CRYBA4: variants seen among roughly 807,000 people sequenced by gnomAD.
CRYBA4 encodes crystallin beta A4.
Under a neutral mutation model 31.7 loss-of-function variants are expected in CRYBA4, and 30 were observed. That is an observed-to-expected ratio of 0.95 (90% CI 0.71 to 1.28). CRYBA4 has a LOEUF of 1.28. Ranked by LOEUF, CRYBA4 falls within the 50% of genes most tolerant of loss-of-function variation. The pLI, the probability that CRYBA4 is intolerant of heterozygous loss-of-function variation, is 0.00. For missense variants in CRYBA4, 225 were observed against 260.7 expected, an observed-to-expected ratio of 0.86 and a Z score of 0.94; for synonymous variants, 102 against 102.3, an observed-to-expected ratio of 1.00 and a Z score of 0.02.
intron 5 of CRYBA4, 32 bp from the exon 6 acceptor site, chr22:26,630,308 T>C: frequency 1.2e-6 from 2 of 1,613,766 alleles, no homozygotes; most frequent in Non-Finnish European, 1.7e-6. Flanking sequence ...GGTGTCTCTG[T>C]AGAGTAACTG....
the CRYBA4 span, among the ~76,000 whole-genome samples, chr22:26,602,360 G>A: frequency 6.6e-6 from 1 of 151,996 alleles, no homozygotes; most frequent in South Asian, 2.1e-4. Flanking sequence ...CAGGTGGGAG[G>A]ACTGCTTGAG....
chr22:26,597,839 G>A, the CRYBA4 span, among the ~76,000 whole-genome samples: 1 of 152,116 alleles, frequency 6.6e-6, no homozygotes, highest in Non-Finnish European at 1.5e-5. Flanking sequence ...AAAAGTCTCA[G>A]TTTGGTGCAA....
chr22:26,597,410 A>G, the CRYBA4 span, among the ~76,000 whole-genome samples: 2 of 152,236 alleles, frequency 1.3e-5, no homozygotes, highest in African/African-American at 2.4e-5. Flanking sequence ...ATTTATACCA[A>G]TAATTTCTAA....
At chr22:26,627,364 C>CTTTCTTTCTTTCT (rs1929741529) in intron 4 of CRYBA4, among the ~76,000 whole-genome samples, 1 of 30,308 alleles carries the variant, frequency 3.3e-5, no homozygotes. Flanking sequence ...TCCCTCCTTT[C>CTTTCTTTCTTTCT]TTTCTTTCTT....
chr22:26,606,591 G>T, the CRYBA4 span, among the ~76,000 whole-genome samples: 2,231 of 152,312 alleles, frequency 0.015, 27 homozygotes, highest in East Asian at 0.038. Context: ...ATGATTGAGA[G>T]AGACATCTGT....
At chr22:26,612,259 A>G in the CRYBA4 span, 2 of 1,058,184 alleles carry the variant, frequency 1.9e-6, no homozygotes. Context: ...AAGTATCTAC[A>G]TAAATAAAAG....
At chr22:26,595,558 A>T in the CRYBA4 span, among the ~76,000 whole-genome samples, 3 of 141,148 alleles carry the variant, frequency 2.1e-5, no homozygotes, top group African/African-American at 8.1e-5. Context: ...CAGCCTGGAC[A>T]ACAAGAGCAA....
At position 26,630,632 on chromosome 22, in the gene CRYBA4, CA is replaced by C; in HGVS notation, c.*151del. On this transcript the variant is annotated 3_prime_UTR_variant, in exon 6 of 6. Transcript: ENST00000354760. ...TGAACTGGTCCGTGCACAGTCAGCA[CA>C]AAAAACTCAAACGAATAAAAAAGAG... 1 of 645,904 alleles carries C rather than the reference CA, an allele frequency of 1.5e-6. No homozygotes were observed. Among genetic ancestry groups the C allele is most frequent in the South Asian group, 1.8e-5 (1 of 54,904 alleles). 40.0% of individuals were successfully genotyped at this position (645,904 alleles called of 1,614,324 possible).
chr22:26,613,856 G>T, the CRYBA4 span, among the ~76,000 whole-genome samples: 1 of 152,200 alleles, frequency 6.6e-6, no homozygotes, highest in East Asian at 1.9e-4. Flanking sequence ...AAGCAAATGG[G>T]AGAAATATCG....
At chr22:26,607,778 C>G in the CRYBA4 span, 1 of 1,465,924 alleles carries the variant, frequency 6.8e-7, no homozygotes, top group African/African-American at 1.4e-5. Flanking sequence ...TCGGAGGCTG[C>G]CACGCCTCCC....
the CRYBA4 span, among the ~76,000 whole-genome samples, chr22:26,614,654 A>C: frequency 1.3e-4 from 20 of 152,188 alleles, no homozygotes; most frequent in African/African-American, 4.3e-4. Flanking sequence ...AAAAGTACAA[A>C]GAAAAGCCCA....
chr22:26,625,442 G>A (rs1929671567), intron 3 of CRYBA4, 39 bp from the exon 4 acceptor site: 2 of 1,610,546 alleles, frequency 1.2e-6, no homozygotes, highest in Non-Finnish European at 1.7e-6. Context: ...AGGGTGAGGG[G>A]GACGCTTACC....
chr22:26,625,394 CTG>C, intron 3 of CRYBA4, 85 bp from the exon 4 acceptor site: 1 of 1,489,232 alleles, frequency 6.7e-7, no homozygotes, highest in South Asian at 1.2e-5. Context: ...ATGGTTGTGA[CTG>C]TGACCGTTCT....
chr22:26,610,948 G>A, the CRYBA4 span, among the ~76,000 whole-genome samples: 3 of 152,172 alleles, frequency 2.0e-5, no homozygotes, highest in African/African-American at 7.2e-5. Context: ...CTTTCAAAGT[G>A]GGGGAGACAA....
chr22:26,610,812 G>T, the CRYBA4 span, among the ~76,000 whole-genome samples: 2 of 152,140 alleles, frequency 1.3e-5, no homozygotes, highest in African/African-American at 4.8e-5. Context: ...TCAAAGATGG[G>T]GAAACTGAGG....
At chr22:26,629,008 G>A (rs1259366420) in intron 5 of CRYBA4, among the ~76,000 whole-genome samples, 7 of 152,214 alleles carry the variant, frequency 4.6e-5, no homozygotes. Flanking sequence ...AGAGGCCACA[G>A]GCTCTTTGGC....
the CRYBA4 span, chr22:26,599,238 C>T: frequency 1.9e-6 from 1 of 532,046 alleles, no homozygotes; most frequent in Non-Finnish European, 3.4e-6. Flanking sequence ...TTATTCATTT[C>T]TGCCTACACA....
At chr22:26,605,099 G>A in the CRYBA4 span, among the ~76,000 whole-genome samples, 1 of 152,138 alleles carries the variant, frequency 6.6e-6, no homozygotes. Flanking sequence ...CTCTTCACGT[G>A]GCTGAGTTGG....
upstream of CRYBA4, among the ~76,000 whole-genome samples, chr22:26,618,882 A>C (rs528940134): frequency 5.3e-5 from 8 of 152,196 alleles, no homozygotes. Context: ...TGACCTATCG[A>C]CAGTGATCCC....
Sources: gnomAD v4.1 joint callset for allele counts (sites outside exome capture counted in the v4.1 genomes callset) on GRCh38, gnomAD v4.1.1 for gene constraint, MANE v1.5 for transcripts, NCBI Gene and HGNC (gene_info 2026-07-23, HGNC 2026-07-21) for gene names.